NEGR1: variants seen among roughly 807,000 people sequenced by gnomAD.
NEGR1 encodes IgLON family member 4.
Under a neutral mutation model 40.9 loss-of-function variants are expected in NEGR1, and 10 were observed. The observed-to-expected ratio is 0.24, with a 90% CI of 0.15 to 0.42. The LOEUF (loss-of-function observed/expected upper bound fraction) is 0.42. Ranked by LOEUF, NEGR1 falls within the 10% of genes least tolerant of loss-of-function variation. NEGR1 has a pLI of 1.00. For synonymous variants in NEGR1, 185 were observed against 166.8 expected, an observed-to-expected ratio of 1.11 and a Z score of -0.84; for missense variants, 352 against 438.9, an observed-to-expected ratio of 0.80 and a Z score of 1.77.
chr1:71,744,941 C>T (rs1655336794), intron 3 of NEGR1, among the ~76,000 whole-genome samples: 1 of 152,150 alleles, frequency 6.6e-6, no homozygotes, highest in Non-Finnish European at 1.5e-5. Flanking sequence ...GAAAACTATA[C>T]TGCACTTATT....
rs1229544148 is a variant in NEGR1 at position 71,611,950 on chromosome 1, C to T, written c.668-804G>A. On this transcript the variant is annotated intron_variant, in intron 4 of 6. Transcript: ENST00000357731. ...AGAAATGTATTGCATTGGCCGAGTG[C>T]GGTGGCTCACGCCTGTAATCCCAGC... Among the ~76,000 whole-genome samples, 9 of 152,136 alleles carry T rather than the reference C, an allele frequency of 5.9e-5. No homozygotes were observed. The East Asian group carries it at 7.7e-4, about 13-fold the overall frequency.
chr1:72,044,839 A>G (rs1646987277), intron 1 of NEGR1, among the ~76,000 whole-genome samples: 1 of 151,830 alleles, frequency 6.6e-6, no homozygotes, highest in African/African-American at 2.4e-5. Flanking sequence ...GAATAGAGTT[A>G]ATACTTACTT....
intron 1 of NEGR1, among the ~76,000 whole-genome samples, chr1:72,112,188 G>T (rs1649397417): frequency 1.3e-5 from 2 of 148,396 alleles, no homozygotes; most frequent in African/African-American, 2.5e-5. Flanking sequence ...GTAAGCATTA[G>T]CAAAATAGAC....
chr1:72,239,301 G>A lies in NEGR1; in HGVS notation c.176+43018C>T, dbSNP rs145110105. On this transcript the variant is annotated intron_variant, in intron 1 of 6. Transcript: ENST00000357731. ...CAAATAAAGGCAATCAACTCTCTGC[G>A]TCAGGAAAACAAGACATAATCTTCA... is the stretch of plus-strand genomic sequence containing the variant. Among the ~76,000 whole-genome samples the A allele has an allele frequency of 3.7e-3, 558 of 151,754 alleles. 3 individuals carry two copies. The highest frequency in any genetic ancestry group is 0.012 in the African/African-American group (510 of 41,470).
chr1:71,565,645 A>C (rs756930927), intron 6 of NEGR1, among the ~76,000 whole-genome samples: 59 of 152,292 alleles, frequency 3.9e-4, no homozygotes, highest in Non-Finnish European at 7.5e-4. Context: ...GTGCAGAGAC[A>C]GAAAAATGAA....
intron 3 of NEGR1, among the ~76,000 whole-genome samples, chr1:71,705,779 A>G (rs1291954653): frequency 2.0e-5 from 3 of 151,760 alleles, no homozygotes; most frequent in Non-Finnish European, 4.4e-5. Flanking sequence ...AGAAAAGCAA[A>G]GGAAAGAAAG....
intron 4 of NEGR1, among the ~76,000 whole-genome samples, chr1:71,631,594 T>C (rs1402322395): frequency 6.6e-6 from 1 of 151,832 alleles, no homozygotes; most frequent in Non-Finnish European, 1.5e-5. Context: ...TATAAGGCTT[T>C]ACCAGTGGGT....
At chr1:72,040,682 T>C (rs1432114797) in intron 1 of NEGR1, among the ~76,000 whole-genome samples, 2 of 150,144 alleles carry the variant, frequency 1.3e-5, no homozygotes, top group African/African-American at 4.9e-5. Context: ...TGTATGTGTA[T>C]GCAGGAAAGA....
chr1:72,005,789 G>T (rs1038147883), intron 1 of NEGR1, among the ~76,000 whole-genome samples: 1 of 152,004 alleles, frequency 6.6e-6, no homozygotes, highest in African/African-American at 2.4e-5. Context: ...ATTCAGGAAA[G>T]AATATTTAGA....
intron 6 of NEGR1, among the ~76,000 whole-genome samples, chr1:71,540,325 T>G (rs1410278591): frequency 1.3e-5 from 2 of 151,780 alleles, no homozygotes; most frequent in African/African-American, 4.8e-5. Context: ...ACTGATAGGT[T>G]TATAAAAGTC....
intron 4 of NEGR1, among the ~76,000 whole-genome samples, chr1:71,632,771 A>G (rs1557594177): frequency 6.6e-6 from 1 of 151,976 alleles, no homozygotes; most frequent in South Asian, 2.1e-4. Flanking sequence ...TATGCCTTGA[A>G]TATAATAAAT....
chr1:72,200,286 G>A (rs543213319), intron 1 of NEGR1, among the ~76,000 whole-genome samples: 3 of 151,866 alleles, frequency 2.0e-5, no homozygotes, highest in Non-Finnish European at 4.4e-5. Flanking sequence ...TCAGCAGTGG[G>A]CTCGATAAAG....
At chr1:72,110,718 A>G (rs1649327761) in intron 1 of NEGR1, among the ~76,000 whole-genome samples, 1 of 151,614 alleles carries the variant, frequency 6.6e-6, no homozygotes, top group Non-Finnish European at 1.5e-5. Flanking sequence ...CATACTTAGA[A>G]ATAAGACACA....
At chr1:71,902,532 T>G (rs1661169057) in intron 2 of NEGR1, among the ~76,000 whole-genome samples, 2 of 152,342 alleles carry the variant, frequency 1.3e-5, no homozygotes, top group South Asian at 4.1e-4. Context: ...GATGACCTGC[T>G]TGGTCAGATA....
At chr1:72,152,647 C>CATGTACTT (rs1003556254) in intron 1 of NEGR1, among the ~76,000 whole-genome samples, 1 of 151,898 alleles carries the variant, frequency 6.6e-6, no homozygotes, top group Non-Finnish European at 1.5e-5. Flanking sequence ...AAAGGAAAAT[C>CATGTACTT]ATTCTACCAA....
At chr1:72,169,344 T>C (rs1651881430) in intron 1 of NEGR1, among the ~76,000 whole-genome samples, 2 of 152,142 alleles carry the variant, frequency 1.3e-5, no homozygotes, top group South Asian at 2.1e-4. Context: ...GCACATTCTA[T>C]TAGATATCAA....
intron 2 of NEGR1, among the ~76,000 whole-genome samples, chr1:71,808,881 A>G (rs1657878752): frequency 6.6e-6 from 1 of 152,168 alleles, no homozygotes; most frequent in African/African-American, 2.4e-5. Context: ...GCAAACATAA[A>G]TGACACTAAC....
intron 1 of NEGR1, among the ~76,000 whole-genome samples, chr1:72,031,195 G>T (rs1294374138): frequency 6.6e-6 from 1 of 152,146 alleles, no homozygotes; most frequent in Non-Finnish European, 1.5e-5. Flanking sequence ...CTGGAGAGAT[G>T]GGAAGGCTCA....
intron 2 of NEGR1, among the ~76,000 whole-genome samples, chr1:71,809,730 ATG>A (rs555558779): frequency 6.6e-6 from 1 of 151,826 alleles, no homozygotes; most frequent in African/African-American, 2.4e-5. Flanking sequence ...AACATGTCCA[ATG>A]TGTGTGTGTG....
Sources: gnomAD v4.1 joint callset for allele counts (sites outside exome capture counted in the v4.1 genomes callset) on GRCh38, gnomAD v4.1.1 for gene constraint, MANE v1.5 for transcripts, NCBI Gene and HGNC (gene_info 2026-07-23, HGNC 2026-07-21) for gene names.